ELAPOR2: variants seen among roughly 807,000 people sequenced by gnomAD.
The protein encoded by ELAPOR2 is endosome/lysosome-associated apoptosis and autophagy regulator family member 2.
In ELAPOR2, 89 loss-of-function variants were observed where a neutral mutation model predicts 120.7. That is an observed-to-expected ratio of 0.74 (90% CI 0.62 to 0.88). The LOEUF (loss-of-function observed/expected upper bound fraction) is 0.88. ELAPOR2 is among the 40% of genes least tolerant of loss of function. The probability of loss-of-function intolerance (pLI) is 0.00; values close to 1 mark genes in which losing one functional copy is unlikely to be tolerated. For missense variants in ELAPOR2, 1,134 were observed against 1,251.6 expected (o/e 0.91, Z 1.42); for synonymous variants, 444 against 444.9 (o/e 1.00, Z 0.03).
At chr7:87,034,211 G>A (rs1168832611) in intron 1 of ELAPOR2, among the ~76,000 whole-genome samples, 1 of 152,112 alleles carries the variant, frequency 6.6e-6, no homozygotes, top group Admixed American at 6.6e-5. Flanking sequence ...ATGGGCCCTG[G>A]TGTAGCAGCT....
At position 86,878,541 on chromosome 7, in the gene ELAPOR2, A is replaced by G. The variant is rs1221694138; in HGVS notation, c.*1930T>C. The stretch of plus-strand genomic sequence containing the variant: ...ATCCCAATTATCTCTATGGCTTGGA[A>G]CATACATATTGAACACAGTGGAAGA... On this transcript the variant is annotated 3_prime_UTR_variant, in exon 22 of 22. Coordinates refer to ENST00000450689, the MANE Select transcript of ELAPOR2 (RefSeq NM_001142749.3). The G allele has an allele frequency of 6.6e-6, 1 of 152,192 alleles. No homozygotes were observed. Among genetic ancestry groups the G allele is most frequent in the African/African-American group, 2.4e-5 (1 of 41,446 alleles). The allele number at this position is 152,192 out of a possible 1,614,324, so 9.4% of individuals were successfully genotyped here.
chr7:86,970,420 C>T (rs962410007), intron 1 of ELAPOR2, among the ~76,000 whole-genome samples: 17 of 152,120 alleles, frequency 1.1e-4, no homozygotes, highest in African/African-American at 3.1e-4. Flanking sequence ...ACACCATAAC[C>T]TTGTATTTGA....
chr7:86,981,497 C>A (rs373539886), intron 1 of ELAPOR2, among the ~76,000 whole-genome samples: 2 of 152,188 alleles, frequency 1.3e-5, no homozygotes, highest in Non-Finnish European at 2.9e-5. Flanking sequence ...GCTATTCCTC[C>A]CACCATCTGC....
chr7:87,016,528 G>C (rs1484962944), intron 1 of ELAPOR2, among the ~76,000 whole-genome samples: 1 of 151,854 alleles, frequency 6.6e-6, no homozygotes, highest in Non-Finnish European at 1.5e-5. Flanking sequence ...AAGATGGGTA[G>C]AAATCACAGG....
chr7:87,010,781 AT>A lies in ELAPOR2; in HGVS notation c.190-45758del, dbSNP rs895294484. On this transcript the variant is annotated intron_variant, in intron 1 of 21. Coordinates refer to ENST00000450689, the MANE Select transcript of ELAPOR2 (RefSeq NM_001142749.3). ...TCCTTACATGTTCAGGACAGATGCCATTTTTTTTTTCAAATAGTTTCAATCT... is the reference window on the plus strand; with the variant it reads ...TCCTTACATGTTCAGGACAGATGCCATTTTTTTTTCAAATAGTTTCAATCT... Among the ~76,000 whole-genome samples the A allele has an allele frequency of 2.3e-4, 35 of 149,784 alleles. 2 individuals carry two copies. The highest frequency in any genetic ancestry group is 6.4e-4 in the African/African-American group (26 of 40,908).
chr7:87,023,204 C>T (rs909280504), intron 1 of ELAPOR2, among the ~76,000 whole-genome samples: 12 of 152,170 alleles, frequency 7.9e-5, no homozygotes, highest in Admixed American at 3.3e-4. Context: ...TTAGGTCTAA[C>T]ATTTAAGTCT....
chr7:86,928,751 G>A (rs940375406), intron 8 of ELAPOR2, among the ~76,000 whole-genome samples: 4 of 151,888 alleles, frequency 2.6e-5, no homozygotes, highest in African/African-American at 2.4e-5. Flanking sequence ...TTCAATACAT[G>A]CAAACTTCTT....
intron 1 of ELAPOR2, among the ~76,000 whole-genome samples, chr7:87,021,385 T>A (rs1794035959): frequency 6.6e-6 from 1 of 152,168 alleles, no homozygotes; most frequent in African/African-American, 2.4e-5. Context: ...AGATGTTTTG[T>A]ATTCTGCCTA....
intron 1 of ELAPOR2, among the ~76,000 whole-genome samples, chr7:87,025,613 C>A (rs1414841702): frequency 6.6e-6 from 1 of 152,026 alleles, no homozygotes; most frequent in African/African-American, 2.4e-5. Flanking sequence ...ACCTGCCAAT[C>A]AATTCACTTC....
chr7:86,930,148 A>G (rs2116260858), intron 8 of ELAPOR2, among the ~76,000 whole-genome samples: 1 of 152,080 alleles, frequency 6.6e-6, no homozygotes, highest in Admixed American at 6.6e-5. Context: ...CTGGCAGTTC[A>G]GGGCTTTAAT....
At chr7:86,985,872 G>C (rs1465960650) in intron 1 of ELAPOR2, among the ~76,000 whole-genome samples, 2 of 149,718 alleles carry the variant, frequency 1.3e-5, no homozygotes, top group African/African-American at 4.9e-5. Context: ...CTGTGTCCAT[G>C]TATTCTCTCA....
chr7:86,966,583 C>T (rs1355897585), intron 1 of ELAPOR2, among the ~76,000 whole-genome samples: 2 of 152,154 alleles, frequency 1.3e-5, no homozygotes, highest in African/African-American at 4.8e-5. Flanking sequence ...AGCCACATTC[C>T]CGCTTTTAGG....
chr7:86,895,152 T>A (rs1230966020), intron 19 of ELAPOR2, among the ~76,000 whole-genome samples: 11 of 152,134 alleles, frequency 7.2e-5, no homozygotes, highest in Non-Finnish European at 1.3e-4. Context: ...TATTTTGCAA[T>A]AACTATTTTT....
At chr7:87,025,929 C>T (rs1387396642) in intron 1 of ELAPOR2, among the ~76,000 whole-genome samples, 1 of 151,848 alleles carries the variant, frequency 6.6e-6, no homozygotes, top group Admixed American at 6.6e-5. Context: ...TTCTGGCAGG[C>T]CAAAAAAGAG....
intron 1 of ELAPOR2, among the ~76,000 whole-genome samples, chr7:86,988,692 G>T (rs1377638027): frequency 6.6e-6 from 1 of 152,170 alleles, no homozygotes; most frequent in Non-Finnish European, 1.5e-5. Context: ...AAAAGTATGT[G>T]TCAAAACGAT....
intron 1 of ELAPOR2, 127 bp from the exon 2 acceptor site, chr7:86,965,151 C>G (rs1791859618): frequency 1.2e-6 from 1 of 849,456 alleles, no homozygotes; most frequent in South Asian, 1.7e-5. Flanking sequence ...CCTCCCCCAT[C>G]CCACCCACAC....
At chr7:86,925,481 A>G in intron 10 of ELAPOR2, 47 bp downstream of exon 10, 1 of 1,598,042 alleles carries the variant, frequency 6.3e-7, no homozygotes, top group Non-Finnish European at 8.6e-7. Flanking sequence ...AGAATGAATG[A>G]TGTCTCTATT....
chr7:86,924,540 A>T (rs1308301033), intron 10 of ELAPOR2, among the ~76,000 whole-genome samples: 1 of 151,896 alleles, frequency 6.6e-6, no homozygotes, highest in African/African-American at 2.4e-5. Flanking sequence ...TTCAGGGTCA[A>T]GTAACAGCTA....
chr7:86,885,500 C>T (rs1473258874), intron 21 of ELAPOR2, among the ~76,000 whole-genome samples: 1 of 152,100 alleles, frequency 6.6e-6, no homozygotes, highest in African/African-American at 2.4e-5. Flanking sequence ...AGTCTTAATG[C>T]CTCCCTCCCA....
Sources: gnomAD v4.1 joint callset for allele counts (sites outside exome capture counted in the v4.1 genomes callset) on GRCh38, gnomAD v4.1.1 for gene constraint, MANE v1.5 for transcripts, NCBI Gene and HGNC (gene_info 2026-07-23, HGNC 2026-07-21) for gene names.